SKA2: variants seen among roughly 807,000 people sequenced by gnomAD.
SKA2 encodes the protein spindle and kinetochore-associated protein 2.
SKA2 carries 13 observed loss-of-function variants against 16.9 expected under a neutral mutation model. That is an observed-to-expected ratio of 0.77 (90% CI 0.50 to 1.22). SKA2 has a LOEUF of 1.22. Ranked by LOEUF, SKA2 falls within the 50% of genes most tolerant of loss-of-function variation. SKA2 has a pLI of 0.00. For synonymous variants in SKA2, 47 were observed against 48.5 expected (o/e 0.97, Z 0.13); for missense variants, 107 against 139.7 (o/e 0.77, Z 1.18).
chr17:59,129,064 C>T (rs533261972), intron 2 of SKA2, among the ~76,000 whole-genome samples: 1 of 152,052 alleles, frequency 6.6e-6, no homozygotes, highest in Admixed American at 6.6e-5. Context: ...AAGATACTGA[C>T]TAGGTCAGGC....
intron 1 of SKA2, among the ~76,000 whole-genome samples, chr17:59,140,007 T>C (rs532195031): frequency 1.3e-5 from 2 of 152,294 alleles, no homozygotes; most frequent in East Asian, 1.9e-4. Flanking sequence ...TTATATCATG[T>C]CTCCACAATC....
chr17:59,147,678 G>A lies in SKA2; in HGVS notation c.33+7453C>T, dbSNP rs529634169. 2.7e-5 allele frequency among the ~76,000 whole-genome samples: 4 copies of A among 150,852 alleles called. No homozygotes were observed. The South Asian group carries it at 8.4e-4, about 32-fold the overall frequency. On this transcript the variant is annotated intron_variant, in intron 1 of 3. Coordinates refer to ENST00000330137, the MANE Select transcript of SKA2 (RefSeq NM_182620.4). Reference sequence around the variant, plus strand: ...GGAGTCTGGCTATGTTGCCCAGGCTGGTCTCGAACTACTGGGCTCAAGTGA... The same window carrying A: ...GGAGTCTGGCTATGTTGCCCAGGCTAGTCTCGAACTACTGGGCTCAAGTGA...
At chr17:59,135,264 A>AAG (rs1019466696) in intron 1 of SKA2, among the ~76,000 whole-genome samples, 9 of 151,996 alleles carry the variant, frequency 5.9e-5, no homozygotes, top group Admixed American at 2.0e-4. Context: ...GAAGATACCA[A>AAG]AGAGTACCCT....
At chr17:59,113,062 G>A (rs2046273923) in intron 3 of SKA2, among the ~76,000 whole-genome samples, 1 of 151,232 alleles carries the variant, frequency 6.6e-6, no homozygotes, top group Non-Finnish European at 1.5e-5. Context: ...TAACTAATTA[G>A]TACACTAATT....
intron 2 of SKA2, among the ~76,000 whole-genome samples, chr17:59,123,139 A>G (rs1002641893): frequency 1.3e-5 from 2 of 151,868 alleles, no homozygotes; most frequent in African/African-American, 4.8e-5. Context: ...AAGCAGACAC[A>G]GTATTCAATA....
intron 1 of SKA2, among the ~76,000 whole-genome samples, chr17:59,142,927 CAAAAAAA>C (rs111796693): frequency 3.3e-5 from 2 of 60,296 alleles, no homozygotes; most frequent in African/African-American, 1.1e-4. Context: ...AACCCCATCT[CAAAAAAA>C]AAAAAAAAAA....
At chr17:59,123,968 A>G (rs759353162) in intron 2 of SKA2, among the ~76,000 whole-genome samples, 1 of 152,226 alleles carries the variant, frequency 6.6e-6, no homozygotes, top group African/African-American at 2.4e-5. Flanking sequence ...GTTTCAGATC[A>G]GGAAAAATAA....
intron 3 of SKA2, among the ~76,000 whole-genome samples, chr17:59,116,494 T>C (rs940887596): frequency 5.9e-5 from 9 of 152,190 alleles, no homozygotes; most frequent in Non-Finnish European, 1.2e-4. Flanking sequence ...TAGTATGTAT[T>C]CCCTTTCTCC....
chr17:59,144,113 G>A (rs114041081), intron 1 of SKA2, among the ~76,000 whole-genome samples: 254 of 151,920 alleles, frequency 1.7e-3, no homozygotes, highest in African/African-American at 5.8e-3. Context: ...CCGAGATCAC[G>A]CCCCCAGAGG....
chr17:59,116,412 C>G (rs1057020448), intron 3 of SKA2, among the ~76,000 whole-genome samples: 1 of 152,030 alleles, frequency 6.6e-6, no homozygotes, highest in African/African-American at 2.4e-5. Context: ...AATAAATAAA[C>G]TTCAGTGTCT....
At position 59,111,970 on chromosome 17, in the gene SKA2, C is replaced by A; in HGVS notation, c.*307G>T. The A allele has an allele frequency of 3.8e-6, 1 of 265,784 alleles. No individual in the cohort carries two copies. 16.5% of individuals were successfully genotyped at this position (265,784 alleles called of 1,614,324 possible). A position where few individuals can be genotyped will look rare whatever the true frequency, so the allele number is the denominator to read the frequency against. On this transcript the variant is annotated 3_prime_UTR_variant, in exon 4 of 4. Coordinates refer to ENST00000330137, the MANE Select transcript of SKA2 (RefSeq NM_182620.4). ...ATTATCATGACTTAGAAAAAGAAAA[C>A]AGATGCAAAATAGTGTTGAGAATTT...
At chr17:59,137,916 T>A (rs1224336541) in intron 1 of SKA2, 1 of 484,154 alleles carries the variant, frequency 2.1e-6, no homozygotes, top group Non-Finnish European at 4.2e-6. Context: ...GCAATTATGA[T>A]AATCTAAAAC....
intron 1 of SKA2, among the ~76,000 whole-genome samples, chr17:59,143,116 G>A (rs1212292781): frequency 6.6e-6 from 1 of 151,762 alleles, no homozygotes; most frequent in Non-Finnish European, 1.5e-5. Flanking sequence ...ATGGTATCTT[G>A]TAGCAAATAG....
chr17:59,144,142 G>A (rs972817954), intron 1 of SKA2, among the ~76,000 whole-genome samples: 7 of 151,976 alleles, frequency 4.6e-5, no homozygotes, highest in Non-Finnish European at 5.9e-5. Flanking sequence ...GCAGTAAGCC[G>A]AGATCGCGCC....
intron 1 of SKA2, among the ~76,000 whole-genome samples, chr17:59,144,922 G>C (rs754817092): frequency 6.6e-6 from 1 of 152,060 alleles, no homozygotes; most frequent in East Asian, 1.9e-4. Flanking sequence ...TCAGTCTCCC[G>C]AGTAGTTGGG....
chr17:59,147,085 G>T (rs984051535), intron 1 of SKA2, among the ~76,000 whole-genome samples: 2 of 151,836 alleles, frequency 1.3e-5, no homozygotes, highest in Admixed American at 1.3e-4. Context: ...TTGAACCTGC[G>T]AGACAGAGAT....
chr17:59,126,962 A>G (rs765887923), intron 2 of SKA2, among the ~76,000 whole-genome samples: 2 of 152,252 alleles, frequency 1.3e-5, no homozygotes, highest in Non-Finnish European at 2.9e-5. Context: ...ACACTGCTAC[A>G]CTATATATGA....
chr17:59,142,215 TG>T (rs2147815579), intron 1 of SKA2, among the ~76,000 whole-genome samples: 1 of 152,124 alleles, frequency 6.6e-6, no homozygotes, highest in African/African-American at 2.4e-5. Context: ...GAGTAGGTCA[TG>T]GTAGTACATG....
intron 1 of SKA2, among the ~76,000 whole-genome samples, chr17:59,140,232 C>CT (rs564550353): frequency 0.021 from 2,972 of 143,290 alleles, 81 homozygotes; most frequent in African/African-American, 0.067. Context: ...AATCTGCAAG[C>CT]TTTTTTTTTT....
Sources: gnomAD v4.1 joint callset for allele counts (sites outside exome capture counted in the v4.1 genomes callset) on GRCh38, gnomAD v4.1.1 for gene constraint, MANE v1.5 for transcripts, NCBI Gene and HGNC (gene_info 2026-07-23, HGNC 2026-07-21) for gene names.